The following ASXL1 variants were observed in gnomAD, a reference collection of about 807,000 sequenced individuals.
ASXL1 encodes the protein ASXL transcriptional regulator 1.
ASXL1 carries 65 observed loss-of-function variants against 89.1 expected under a neutral mutation model. The observed-to-expected ratio is 0.73, with a 90% CI of 0.60 to 0.90. The LOEUF is 0.90. Ranked by LOEUF, ASXL1 falls within the 40% of genes least tolerant of loss-of-function variation. The pLI, the probability that ASXL1 is intolerant of heterozygous loss-of-function variation, is 0.00. For missense variants in ASXL1, 1,786 were observed against 1,942.9 expected (o/e 0.92, Z 1.52); for synonymous variants, 739 against 746.9 (o/e 0.99, Z 0.17).
At chr20:32,382,679 A>G (rs2048509479) in intron 4 of ASXL1, among the ~76,000 whole-genome samples, 1 of 151,440 alleles carries the variant, frequency 6.6e-6, no homozygotes, top group East Asian at 1.9e-4. Flanking sequence ...CCAGCTACTC[A>G]GGAGGCTGAG....
chr20:32,415,000 GTTTGTTTGTTTGT>G (rs2049112698), intron 4 of ASXL1, among the ~76,000 whole-genome samples: 1 of 151,704 alleles, frequency 6.6e-6, no homozygotes, highest in African/African-American at 2.4e-5. Context: ...TTGTTTGTTT[GTTTGTTTGTTTGT>G]TTTGTTTTGT....
intron 4 of ASXL1, among the ~76,000 whole-genome samples, chr20:32,378,890 G>T (rs1456304922): frequency 2.0e-5 from 3 of 151,962 alleles, no homozygotes; most frequent in African/African-American, 7.2e-5. Context: ...CACTTTGGGA[G>T]GCGGAGGCGG....
rs191604561 is a variant in ASXL1 at position 32,414,172 on chromosome 20, T to A, written c.253-13956T>A. Among the ~76,000 whole-genome samples, 386 of 152,332 alleles carry A rather than the reference T, an allele frequency of 2.5e-3. 2 individuals are homozygous for A. Among genetic ancestry groups the A allele is most frequent in the Non-Finnish European group, 8.1e-4 (55 of 68,032 alleles). On this transcript the variant is annotated intron_variant, in intron 4 of 12. Transcript: ENST00000375687. The stretch of plus-strand genomic sequence containing the variant: ...GGTCTTTTTCATTCATTATGCTGAG[T>A]GTTTTGCCTTATTAAACTCGGAAAC...
chr20:32,412,646 A>C (rs994835989), intron 4 of ASXL1, among the ~76,000 whole-genome samples: 1 of 134,398 alleles, frequency 7.4e-6, no homozygotes, highest in Non-Finnish European at 1.6e-5. Flanking sequence ...CCCAGGCTGG[A>C]GGGCAATGGT....
chr20:32,428,714 G>A, intron 6 of ASXL1: 1 of 343,330 alleles, frequency 2.9e-6, no homozygotes. Context: ...AGGCTGGAGT[G>A]CAGTGGCATG....
At chr20:32,379,514 A>G (rs2048449879) in intron 4 of ASXL1, among the ~76,000 whole-genome samples, 1 of 151,360 alleles carries the variant, frequency 6.6e-6, no homozygotes, top group Non-Finnish European at 1.5e-5. Flanking sequence ...AGCCAACATT[A>G]TTCACTTTTG....
At chr20:32,417,430 A>G (rs1485517198) in intron 4 of ASXL1, among the ~76,000 whole-genome samples, 2 of 152,192 alleles carry the variant, frequency 1.3e-5, no homozygotes, top group South Asian at 2.1e-4. Context: ...CATTTTTTAA[A>G]TAACAGCTCT....
At chr20:32,430,917 A>G in intron 8 of ASXL1, 1 of 437,560 alleles carries the variant, frequency 2.3e-6, no homozygotes. Flanking sequence ...CATTCACAGA[A>G]GGCTTCTGCA....
chr20:32,433,733 A>C lies in ASXL1; in HGVS notation c.1535A>C (p.Gln512Pro). The change falls in exon 12 of 13, where the codon CAG becomes CCG. Residue 512 changes from glutamine (Q) to proline (P), a missense_variant. Coordinates refer to ENST00000375687, the MANE Select transcript of ASXL1 (RefSeq NM_015338.6). Reference protein sequence around the residue: ...ASPDRIPSLPQETVDQEPKDQ... With the variant: ...ASPDRIPSLPPETVDQEPKDQ... ...CCAGACAGAATTCCTAGCCTGCCTC[A>C]GGAAACTGTGGATCAGGAACCCAAG... 6.2e-7 allele frequency: 1 copy of C among 1,613,690 alleles called. No individual in the cohort carries two copies. The highest frequency in any genetic ancestry group is 1.3e-5 in the African/African-American group (1 of 75,024).
chr20:32,422,197 TG>T (rs1227367879), intron 4 of ASXL1, among the ~76,000 whole-genome samples: 4 of 150,900 alleles, frequency 2.7e-5, no homozygotes, highest in African/African-American at 9.7e-5. Context: ...TGGTTTCAAA[TG>T]GGGGTTGATT....
At chr20:32,421,074 G>T (rs201105028) in intron 4 of ASXL1, among the ~76,000 whole-genome samples, 1 of 151,194 alleles carries the variant, frequency 6.6e-6, no homozygotes, top group South Asian at 2.1e-4. Flanking sequence ...GTTGGGGGGT[G>T]GGGGGAAAGG....
At position 32,417,516 on chromosome 20, in the gene ASXL1, C is replaced by A. The variant is rs549515422; in HGVS notation, c.253-10612C>A. 4.6e-5 allele frequency among the ~76,000 whole-genome samples: 7 copies of A among 152,154 alleles called. No individual in the cohort carries two copies. In the South Asian group the frequency reaches 1.5e-3, roughly 32 times the overall value. On this transcript the variant is annotated intron_variant, in intron 4 of 12. Transcript: ENST00000375687. ...AAATGGATTTCACATTCAAGAGAAC[C>A]TTTTTATGTTAAGTATTTTGTTTAA...
chr20:32,408,881 T>C (rs949723821), intron 4 of ASXL1, among the ~76,000 whole-genome samples: 1 of 152,168 alleles, frequency 6.6e-6, no homozygotes, highest in African/African-American at 2.4e-5. Context: ...GTTATTATCA[T>C]CTTTAATTTT....
intron 1 of ASXL1, chr20:32,360,065 GCAA>G: frequency 2.7e-6 from 1 of 376,756 alleles, no homozygotes; most frequent in Non-Finnish European, 4.7e-6. Flanking sequence ...AAGGTGTTGT[GCAA>G]AAAAAAAAAA....
chr20:32,389,806 G>A (rs1388540791), intron 4 of ASXL1, among the ~76,000 whole-genome samples: 1 of 152,176 alleles, frequency 6.6e-6, no homozygotes, highest in African/African-American at 2.4e-5. Context: ...TACCTCAGGT[G>A]ATCCACCCAC....
intron 1 of ASXL1, chr20:32,359,845 T>C (rs1393507785): frequency 8.4e-6 from 6 of 717,458 alleles, no homozygotes; most frequent in Non-Finnish European, 1.6e-5. Context: ...CTTTGAGACA[T>C]ATTCGGGTAA....
chr20:32,425,315 T>A (rs1213644336), intron 4 of ASXL1, among the ~76,000 whole-genome samples: 1 of 152,240 alleles, frequency 6.6e-6, no homozygotes, highest in Non-Finnish European at 1.5e-5. Context: ...CATGAACATG[T>A]GGGTTGTGAT....
Position 32,428,140 on chromosome 20 carries a change from C to A in ASXL1, c.265C>A (p.Gln89Lys), listed in dbSNP as rs752178487. Residue 89 changes from glutamine (Q) to lysine (K), a missense_variant, in exon 5 of 13, where the codon CAG becomes AAG. Around this residue, in one of 3 missense-constraint regions of ASXL1, gnomAD observed 332 missense variants for 449.7 expected, o/e 0.74. Coordinates refer to ENST00000375687, the MANE Select transcript of ASXL1 (RefSeq NM_015338.6). Reference sequence around the variant, plus strand: ...CTTGCTGTCACAGAAGGATGCCCTGCAGTGGTCTCGCCATCCAGCTACAGT... The same window carrying A: ...CTTGCTGTCACAGAAGGATGCCCTGAAGTGGTCTCGCCATCCAGCTACAGT... Reference protein sequence around the residue: ...SLFTLKKDALQWSRHPATVEG... With the variant: ...SLFTLKKDALKWSRHPATVEG... The A allele has an allele frequency of 1.9e-6, 3 of 1,613,412 alleles. No homozygotes were observed. The highest frequency in any genetic ancestry group is 2.5e-6 in the Non-Finnish European group (3 of 1,180,026).
chr20:32,433,244 A>C (rs376420513), intron 11 of ASXL1, 40 bp from the exon 12 acceptor site: 2 of 1,613,586 alleles, frequency 1.2e-6, no homozygotes, highest in Non-Finnish European at 1.7e-6. Context: ...AGACATGTCC[A>C]CTCTGGCCTG....
Sources: allele counts gnomAD v4.1 joint callset (sites outside exome capture counted in the v4.1 genomes callset), GRCh38; gene constraint gnomAD v4.1.1; regional missense constraint gnomAD v4.1.1; transcripts MANE v1.5; gene names NCBI Gene and HGNC (gene_info 2026-07-23, HGNC 2026-07-21).